PIAS2: variants seen among roughly 807,000 people sequenced by gnomAD.
PIAS2 encodes the protein E3 SUMO-protein ligase PIAS2.
Under a neutral mutation model 69.7 loss-of-function variants are expected in PIAS2, and 19 were observed. The ratio of observed to expected loss-of-function variants is 0.27; its 90% confidence interval spans 0.19 to 0.40. The LOEUF (loss-of-function observed/expected upper bound fraction) is 0.40. Among genes scored for constraint, PIAS2 ranks in the 10% least tolerant of loss-of-function variants. The probability of loss-of-function intolerance (pLI) is 1.00; values close to 1 mark genes in which losing one functional copy is unlikely to be tolerated. For synonymous variants in PIAS2, 261 were observed against 263.2 expected, an observed-to-expected ratio of 0.99 and a Z score of 0.08; for missense variants, 624 against 757.0, an observed-to-expected ratio of 0.82 and a Z score of 2.06.
At position 46,832,482 on chromosome 18, in the gene PIAS2, C is replaced by T. The variant is rs142657517; in HGVS notation, c.1203-2615G>A. On this transcript the variant is annotated intron_variant, in intron 9 of 13. Coordinates refer to ENST00000585916, the MANE Select transcript of PIAS2 (RefSeq NM_004671.5). ...AAGTTTGGTCACTTCACCAAAGAAA[C>T]GTACAGATGGAGAATAAATACGCAA... Among the ~76,000 whole-genome samples, 703 of 152,032 alleles carry T rather than the reference C, an allele frequency of 4.6e-3. 3 individuals are homozygous for T. The highest frequency in any genetic ancestry group is 8.8e-3 in the Admixed American group (134 of 15,272).
At chr18:46,883,526 G>C (rs2052640243) in intron 2 of PIAS2, among the ~76,000 whole-genome samples, 1 of 151,826 alleles carries the variant, frequency 6.6e-6, no homozygotes. Context: ...AACATAGAGA[G>C]ACCTCCTCTC....
At chr18:46,872,373 T>C (rs780253505) in intron 2 of PIAS2, among the ~76,000 whole-genome samples, 8 of 152,228 alleles carry the variant, frequency 5.3e-5, no homozygotes, top group Non-Finnish European at 1.2e-4. Context: ...GGGAAGATCC[T>C]CATTCTGAGC....
intron 11 of PIAS2, among the ~76,000 whole-genome samples, chr18:46,823,129 G>GGAGGCT (rs1368457828): frequency 1.3e-5 from 2 of 151,222 alleles, no homozygotes; most frequent in African/African-American, 2.4e-5. Flanking sequence ...TAGCTACTTG[G>GGAGGCT]GAGGCTGAGG....
chr18:46,817,541 T>A (rs2041691465), intron 12 of PIAS2: 2 of 933,344 alleles, frequency 2.1e-6, no homozygotes, highest in Non-Finnish European at 2.6e-6. Context: ...ATATAAAGTT[T>A]ATTTAGAAAA....
chr18:46,911,003 A>C (rs897617315), intron 1 of PIAS2, among the ~76,000 whole-genome samples: 3 of 152,126 alleles, frequency 2.0e-5, no homozygotes, highest in African/African-American at 7.2e-5. Context: ...ATAACAATAG[A>C]TCTAACCCAG....
chr18:46,861,633 G>C (rs2145565444), intron 3 of PIAS2, among the ~76,000 whole-genome samples: 1 of 152,234 alleles, frequency 6.6e-6, no homozygotes, highest in South Asian at 2.1e-4. Flanking sequence ...AGGTATTCTT[G>C]CCAAAAATGC....
At chr18:46,899,973 T>G (rs550668977) in intron 1 of PIAS2, among the ~76,000 whole-genome samples, 7 of 152,240 alleles carry the variant, frequency 4.6e-5, no homozygotes, top group African/African-American at 1.2e-4. Context: ...GGTAGTAGGG[T>G]GCAAGGGTGC....
chr18:46,818,160 C>A, intron 12 of PIAS2: 1 of 1,119,226 alleles, frequency 8.9e-7, no homozygotes, highest in Non-Finnish European at 1.1e-6. Context: ...TTGATGACAA[C>A]ACATTTTCCT....
At chr18:46,913,905 C>T (rs1461940848) in intron 1 of PIAS2, among the ~76,000 whole-genome samples, 1 of 152,170 alleles carries the variant, frequency 6.6e-6, no homozygotes, top group Admixed American at 6.5e-5. Flanking sequence ...TGGCTTCAAG[C>T]GATCCTCTTG....
At chr18:46,891,734 C>G in intron 1 of PIAS2, 6 of 555,198 alleles carry the variant, frequency 1.1e-5, no homozygotes, top group Non-Finnish European at 1.4e-5. Context: ...AGGAAATGAG[C>G]AGTCATCAAT....
At chr18:46,836,325 T>G (rs1453240772) in intron 9 of PIAS2, 32 bp downstream of exon 9, 1 of 1,562,526 alleles carries the variant, frequency 6.4e-7, no homozygotes, top group Non-Finnish European at 8.8e-7. Context: ...GTTGTATTAG[T>G]CCATATCAGC....
chr18:46,876,245 G>A (rs1482503494), intron 2 of PIAS2, among the ~76,000 whole-genome samples: 3 of 152,208 alleles, frequency 2.0e-5, no homozygotes, highest in African/African-American at 4.8e-5. Flanking sequence ...TGTATAACAA[G>A]AGATAGCCCT....
Position 46,820,950 on chromosome 18 carries a change from A to G in PIAS2, c.1631T>C (p.Met544Thr), listed in dbSNP as rs2042102330. 6.2e-7 allele frequency: 1 copy of G among 1,612,176 alleles called. No homozygotes were observed. The part of the protein sequence containing the change: ...VPFHHTPISS[M>T]SSDLPGLDFL... ...CCACATACCTGGCAAATCTGATGAC[A>G]TGCTTGATATTGGCGTATGGTGGAA... is the stretch of plus-strand genomic sequence containing the variant. The change falls in exon 12 of 14, where the codon ATG (methionine) becomes ACG (threonine). Residue 544 changes from methionine to threonine, a missense_variant. By Grantham distance (81) the Met-to-Thr change is moderately conservative. Transcript: ENST00000585916.
intron 2 of PIAS2, among the ~76,000 whole-genome samples, chr18:46,883,697 C>G (rs1044851990): frequency 1.3e-4 from 20 of 152,192 alleles, no homozygotes; most frequent in Non-Finnish European, 1.9e-4. Flanking sequence ...AAAAAATTAG[C>G]CAAGCATGGT....
chr18:46,919,015 G>A (rs934065364), upstream of PIAS2, among the ~76,000 whole-genome samples: 17 of 151,126 alleles, frequency 1.1e-4, no homozygotes, highest in East Asian at 2.0e-4. Flanking sequence ...ATATGTGTGT[G>A]TGTGTGTGTG....
chr18:46,888,896 G>A (rs2053629233), intron 2 of PIAS2, among the ~76,000 whole-genome samples: 1 of 152,134 alleles, frequency 6.6e-6, no homozygotes, highest in Non-Finnish European at 1.5e-5. Context: ...CCTGAGGGTT[G>A]GAGACCTTGG....
intron 5 of PIAS2, among the ~76,000 whole-genome samples, chr18:46,850,887 TCTTC>T: frequency 6.6e-6 from 1 of 152,344 alleles, no homozygotes; most frequent in African/African-American, 2.4e-5. Flanking sequence ...TAAATGATTC[TCTTC>T]CTTCATCAAT....
intron 12 of PIAS2, chr18:46,816,286 A>G: frequency 1.0e-6 from 1 of 956,200 alleles, no homozygotes; most frequent in Non-Finnish European, 1.2e-6. Flanking sequence ...CAGTGGGTAC[A>G]TTTAAAATAT....
At chr18:46,883,113 A>C (rs1192660102) in intron 2 of PIAS2, among the ~76,000 whole-genome samples, 2 of 152,026 alleles carry the variant, frequency 1.3e-5, no homozygotes, top group African/African-American at 4.8e-5. Flanking sequence ...AAAAAAAAAA[A>C]AACAAAAAGA....
Sources: gnomAD v4.1 joint callset for allele counts (sites outside exome capture counted in the v4.1 genomes callset) on GRCh38, gnomAD v4.1.1 for gene constraint, MANE v1.5 for transcripts, NCBI Gene and HGNC (gene_info 2026-07-23, HGNC 2026-07-21) for gene names.